The following ADGRL2 variants were observed in gnomAD, a reference collection of about 807,000 sequenced individuals.
ADGRL2 encodes the protein calcium-independent alpha-latrotoxin receptor 2.
ADGRL2 carries 44 observed loss-of-function variants against 157.4 expected under a neutral mutation model. That is an observed-to-expected ratio of 0.28 (90% confidence interval 0.22 to 0.36). The LOEUF (loss-of-function observed/expected upper bound fraction) is 0.36. Ranked by LOEUF, ADGRL2 falls within the 10% of genes least tolerant of loss-of-function variation. The pLI, the probability that ADGRL2 is intolerant of heterozygous loss-of-function variation, is 1.00. For synonymous variants in ADGRL2, 585 were observed against 624.7 expected (o/e 0.94, Z 0.95); for missense variants, 1,510 against 1,768.9 (o/e 0.85, Z 2.63).
At chr1:81,476,060 C>G (rs1390130024) in intron 2 of ADGRL2, among the ~76,000 whole-genome samples, 1 of 151,994 alleles carries the variant, frequency 6.6e-6, no homozygotes, top group African/African-American at 2.4e-5. Flanking sequence ...ATTGAGGAAC[C>G]TACGTCTGAA....
chr1:81,449,368 T>C (rs962823658), intron 2 of ADGRL2, among the ~76,000 whole-genome samples: 4 of 152,174 alleles, frequency 2.6e-5, no homozygotes, highest in African/African-American at 4.8e-5. Flanking sequence ...ACAGGGATAA[T>C]TGAAGGGGTC....
intron 1 of ADGRL2, among the ~76,000 whole-genome samples, chr1:81,324,433 C>T (rs532328185): frequency 2.0e-5 from 3 of 150,382 alleles, no homozygotes; most frequent in Admixed American, 1.3e-4. Context: ...GGTTTGAGCC[C>T]GAGAAGTCGA....
intron 2 of ADGRL2, among the ~76,000 whole-genome samples, chr1:81,485,669 G>T (rs1351987569): frequency 6.6e-6 from 1 of 152,106 alleles, no homozygotes; most frequent in Non-Finnish European, 1.5e-5. Context: ...GTGCACACAG[G>T]TACCAAAGAG....
intron 2 of ADGRL2, among the ~76,000 whole-genome samples, chr1:81,776,055 G>T (rs1053226035): frequency 6.6e-6 from 1 of 152,026 alleles, no homozygotes; most frequent in African/African-American, 2.4e-5. Context: ...TTTACTATCA[G>T]TGCTTCCAAA....
chr1:81,672,105 A>T (rs983714997), intron 3 of ADGRL2, among the ~76,000 whole-genome samples: 3 of 152,204 alleles, frequency 2.0e-5, no homozygotes, highest in Non-Finnish European at 4.4e-5. Flanking sequence ...ATATTAATCC[A>T]TTATCAGTGG....
chr1:81,837,271 G>A (rs1016725456), intron 2 of ADGRL2, among the ~76,000 whole-genome samples: 5 of 151,880 alleles, frequency 3.3e-5, no homozygotes, highest in South Asian at 2.1e-4. Flanking sequence ...TATATTTTAC[G>A]TGCATTTATG....
intron 23 of ADGRL2, among the ~76,000 whole-genome samples, chr1:81,988,103 A>G (rs1663710212): frequency 6.6e-6 from 1 of 152,122 alleles, no homozygotes; most frequent in Admixed American, 6.6e-5. Flanking sequence ...GTCCATACTT[A>G]AGTATACGCA....
chr1:81,568,461 A>G (rs2080612128), intron 2 of ADGRL2, among the ~76,000 whole-genome samples: 1 of 152,194 alleles, frequency 6.6e-6, no homozygotes, highest in Non-Finnish European at 1.5e-5. Flanking sequence ...GTTAAAAAAC[A>G]TAAATCACTG....
intron 9 of ADGRL2, 61 bp downstream of exon 9, chr1:81,952,203 T>G (rs1652063548): frequency 7.2e-7 from 1 of 1,390,794 alleles, no homozygotes; most frequent in Admixed American, 2.1e-5. Context: ...CTTTCTTGTC[T>G]TATAGCAGTT....
chr1:81,567,274 TCAATA>T (rs2080583756), intron 2 of ADGRL2, among the ~76,000 whole-genome samples: 1 of 152,084 alleles, frequency 6.6e-6, no homozygotes, highest in African/African-American at 2.4e-5. Flanking sequence ...AATTTAAAAT[TCAATA>T]CTTCAGTCAC....
chr1:81,522,433 A>G (rs1417443874), intron 2 of ADGRL2, among the ~76,000 whole-genome samples: 5 of 152,192 alleles, frequency 3.3e-5, no homozygotes, highest in Admixed American at 3.3e-4. Context: ...TACTAGAGGA[A>G]CATTATAAAT....
intron 2 of ADGRL2, among the ~76,000 whole-genome samples, chr1:81,880,878 C>T (rs890859187): frequency 3.3e-5 from 5 of 152,138 alleles, no homozygotes; most frequent in Non-Finnish European, 7.4e-5. Flanking sequence ...TGTCTCCTGC[C>T]TCTATCAATA....
intron 2 of ADGRL2, among the ~76,000 whole-genome samples, chr1:81,782,241 T>C (rs1363493636): frequency 1.3e-5 from 2 of 152,160 alleles, no homozygotes; most frequent in Non-Finnish European, 2.9e-5. Flanking sequence ...TAAATGGTGC[T>C]TGATTAATGT....
intron 1 of ADGRL2, among the ~76,000 whole-genome samples, chr1:81,707,457 G>A (rs967631384): frequency 6.6e-6 from 1 of 152,092 alleles, no homozygotes; most frequent in Non-Finnish European, 1.5e-5. Flanking sequence ...ATCCTTTCAC[G>A]TAAAAGTGTG....
chr1:81,724,515 C>T (rs1256575180), intron 1 of ADGRL2, among the ~76,000 whole-genome samples: 2 of 152,068 alleles, frequency 1.3e-5, no homozygotes, highest in Admixed American at 6.6e-5. Context: ...ATAGTGTAAT[C>T]CTACCCCCAC....
At chr1:81,811,894 ATCATT>A (rs2089910797) in intron 1 of ADGRL2, among the ~76,000 whole-genome samples, 1 of 151,204 alleles carries the variant, frequency 6.6e-6, no homozygotes, top group Admixed American at 6.6e-5. Context: ...GGAGTGGTCT[ATCATT>A]TCAGGCTGGT....
intron 3 of ADGRL2, among the ~76,000 whole-genome samples, chr1:81,930,647 A>T (rs1427647663): frequency 2.6e-5 from 4 of 152,284 alleles, no homozygotes; most frequent in African/African-American, 9.6e-5. Context: ...ACTTACTCTA[A>T]TTTTTGTAAT....
At chr1:81,333,786 T>A (rs1386014617) in intron 1 of ADGRL2, among the ~76,000 whole-genome samples, 5 of 151,968 alleles carry the variant, frequency 3.3e-5, no homozygotes, top group African/African-American at 7.2e-5. Context: ...AAAAATTCCT[T>A]ACTTCCAAAT....
intron 1 of ADGRL2, among the ~76,000 whole-genome samples, chr1:81,805,235 G>A (rs2088939960): frequency 6.6e-6 from 1 of 152,066 alleles, no homozygotes; most frequent in South Asian, 2.1e-4. Context: ...AAAAGAACAA[G>A]TGCTTGGGTC....
Sources: allele counts gnomAD v4.1 joint callset (sites outside exome capture counted in the v4.1 genomes callset), GRCh38; gene constraint gnomAD v4.1.1; transcripts MANE v1.5; gene names NCBI Gene and HGNC (gene_info 2026-07-23, HGNC 2026-07-21).